The following NPFFR2 variants were observed in gnomAD, a reference collection of about 807,000 sequenced individuals.
NPFFR2 encodes G-protein coupled receptor 74.
In NPFFR2, 15 loss-of-function variants were observed where a neutral mutation model predicts 13.1. The ratio of observed to expected loss-of-function variants is 1.15; its 90% CI spans 0.77 to 1.76. NPFFR2 has a LOEUF of 1.76. NPFFR2 is among the 40% of genes most tolerant of loss of function. NPFFR2 has a pLI of 0.00. For missense variants in NPFFR2, 572 were observed against 503.5 expected, an observed-to-expected ratio of 1.14 and a Z score of -1.30; for synonymous variants, 190 against 175.7, an observed-to-expected ratio of 1.08 and a Z score of -0.65.
chr4:72,045,373 C>A (rs1719346173), intron 1 of NPFFR2, among the ~76,000 whole-genome samples: 1 of 152,228 alleles, frequency 6.6e-6, no homozygotes, highest in East Asian at 1.9e-4. Context: ...CTATTCTGTT[C>A]CATTGATCTA....
chr4:72,136,622 A>G (rs1438662567), intron 2 of NPFFR2, among the ~76,000 whole-genome samples: 1 of 152,100 alleles, frequency 6.6e-6, no homozygotes, highest in African/African-American at 2.4e-5. Context: ...GAGATTTTCT[A>G]ACATACTGCC....
At chr4:72,085,988 T>A (rs1720759982) in intron 1 of NPFFR2, among the ~76,000 whole-genome samples, 2 of 152,188 alleles carry the variant, frequency 1.3e-5, no homozygotes, top group South Asian at 4.1e-4. Flanking sequence ...ATTTGCTTGA[T>A]ACATACCAAG....
At chr4:72,069,093 T>C in intron 1 of NPFFR2, 1 of 507,922 alleles carries the variant, frequency 2.0e-6, no homozygotes, top group Non-Finnish European at 3.4e-6. Flanking sequence ...GCTATTCTGA[T>C]GAGGAAAAGA....
At chr4:72,062,031 A>G (rs1481631669) in intron 1 of NPFFR2, among the ~76,000 whole-genome samples, 2 of 152,192 alleles carry the variant, frequency 1.3e-5, no homozygotes, top group African/African-American at 2.4e-5. Context: ...AAATGCAAAT[A>G]AAGTGATTAG....
At chr4:72,109,063 A>T (rs1721493411) in intron 1 of NPFFR2, among the ~76,000 whole-genome samples, 2 of 152,052 alleles carry the variant, frequency 1.3e-5, no homozygotes, top group Admixed American at 1.3e-4. Flanking sequence ...GACACACCAT[A>T]CATTAGTAAA....
intron 2 of NPFFR2, among the ~76,000 whole-genome samples, chr4:72,134,230 C>T (rs1288392824): frequency 6.6e-6 from 1 of 152,168 alleles, no homozygotes; most frequent in Non-Finnish European, 1.5e-5. Flanking sequence ...TGCCACTGCA[C>T]TCCAGCCTGG....
intron 1 of NPFFR2, among the ~76,000 whole-genome samples, chr4:72,082,600 A>G (rs965340734): frequency 6.6e-6 from 1 of 152,158 alleles, no homozygotes; most frequent in Non-Finnish European, 1.5e-5. Context: ...TTGTGGAATG[A>G]TTACATCAGG....
intron 1 of NPFFR2, among the ~76,000 whole-genome samples, chr4:72,080,809 G>C (rs996798741): frequency 6.8e-6 from 1 of 146,830 alleles, no homozygotes; most frequent in Admixed American, 6.7e-5. Context: ...ATCTAAGTTT[G>C]AGAGTCACTG....
chr4:72,103,682 A>T (rs1721324657), intron 1 of NPFFR2, among the ~76,000 whole-genome samples: 1 of 152,094 alleles, frequency 6.6e-6, no homozygotes, highest in Admixed American at 6.6e-5. Flanking sequence ...ACTTTCCTTT[A>T]TGGAAATAAA....
chr4:72,070,894 C>A (rs1360720437), intron 1 of NPFFR2, among the ~76,000 whole-genome samples: 1 of 152,018 alleles, frequency 6.6e-6, no homozygotes, highest in Admixed American at 6.6e-5. Flanking sequence ...ATATCCATTC[C>A]CATTTTCTTA....
chr4:72,076,006 CAGAGAGAGAGAGAGGGCAG>C (rs1720424191), intron 1 of NPFFR2, among the ~76,000 whole-genome samples: 7 of 122,722 alleles, frequency 5.7e-5, no homozygotes, highest in Non-Finnish European at 9.8e-5. Context: ...CACACACACA[CAGAGAGAGAGAGAGGGCAG>C]ACAGCACAAG....
At chr4:72,057,370 A>G (rs928851778) in intron 1 of NPFFR2, among the ~76,000 whole-genome samples, 15 of 151,960 alleles carry the variant, frequency 9.9e-5, no homozygotes, top group African/African-American at 3.6e-4. Context: ...TCTGAAATCA[A>G]GGGGTAGGAA....
In NPFFR2 at chr4:72,067,741, T is replaced by C. The variant is rs201896495; in HGVS notation, c.-8+35541T>C. ...ATTTCCTAGTTCATTGCTTTTAAGT[T>C]CTGCCTCCTACAAAGTCCTAGGACA... is the stretch of plus-strand genomic sequence containing the variant. On this transcript the variant is annotated intron_variant, in intron 1 of 3. Coordinates refer to ENST00000308744, the MANE Select transcript of NPFFR2 (RefSeq NM_004885.3). Among the ~76,000 whole-genome samples the C allele has an allele frequency of 5.3e-5, 8 of 152,336 alleles. No homozygotes were observed. In the East Asian group the frequency reaches 1.5e-3, roughly 29 times the overall value.
intron 1 of NPFFR2, among the ~76,000 whole-genome samples, chr4:72,102,330 C>T (rs1420747793): frequency 6.6e-6 from 1 of 151,972 alleles, no homozygotes; most frequent in African/African-American, 2.4e-5. Context: ...AAAAATCTTT[C>T]AATAAATTAA....
intron 3 of NPFFR2, among the ~76,000 whole-genome samples, chr4:72,141,721 A>T (rs886944955): frequency 1.3e-5 from 2 of 152,168 alleles, no homozygotes; most frequent in South Asian, 4.2e-4. Flanking sequence ...TGGTGCTGAG[A>T]AGAATGTATA....
intron 3 of NPFFR2, among the ~76,000 whole-genome samples, chr4:72,144,482 C>T (rs957237408): frequency 1.3e-5 from 2 of 152,128 alleles, no homozygotes; most frequent in Non-Finnish European, 2.9e-5. Context: ...CTTGCACTTG[C>T]ACTCAAATGC....
At chr4:72,098,704 G>A (rs914375133) in intron 1 of NPFFR2, among the ~76,000 whole-genome samples, 3 of 152,084 alleles carry the variant, frequency 2.0e-5, no homozygotes, top group Non-Finnish European at 4.4e-5. Flanking sequence ...ACTCCTCTCC[G>A]AACCATGACA....
chr4:72,122,282 A>T (rs1052447148), intron 1 of NPFFR2, among the ~76,000 whole-genome samples: 2 of 152,206 alleles, frequency 1.3e-5, no homozygotes, highest in Non-Finnish European at 2.9e-5. Flanking sequence ...AAAGAGACTT[A>T]GACTCCCACG....
chr4:72,103,416 A>G (rs1721315218), intron 1 of NPFFR2, among the ~76,000 whole-genome samples: 1 of 152,146 alleles, frequency 6.6e-6, no homozygotes, highest in African/African-American at 2.4e-5. Context: ...TGACACGGGA[A>G]GAAGGCCCTT....
Sources: allele counts gnomAD v4.1 joint callset (sites outside exome capture counted in the v4.1 genomes callset), GRCh38; gene constraint gnomAD v4.1.1; transcripts MANE v1.5; gene names NCBI Gene and HGNC (gene_info 2026-07-23, HGNC 2026-07-21).